ENTPD1: variants seen among roughly 807,000 people sequenced by gnomAD.
The protein encoded by ENTPD1 is ATP diphosphohydrolase.
ENTPD1 carries 33 observed loss-of-function variants against 57.0 expected under a neutral mutation model. The ratio of observed to expected loss-of-function variants is 0.58; its 90% CI spans 0.44 to 0.77. The LOEUF is 0.77. Among genes scored for constraint, ENTPD1 ranks in the 30% least tolerant of loss-of-function variants. The pLI is 0.00. For synonymous variants in ENTPD1, 202 were observed against 218.8 expected (o/e 0.92, Z 0.68); for missense variants, 501 against 603.4 (o/e 0.83, Z 1.78).
At position 95,869,281 on chromosome 10, in the gene ENTPD1, A is replaced by C. The variant is rs2098477916; in HGVS notation, c.*2898A>C. ...TTTTTTTTTTTTGAGAGAGAGTCTC[A>C]CTCCATTGCCCAGGCTGGAGTGCAG... is the stretch of plus-strand genomic sequence containing the variant. On this transcript the variant is annotated 3_prime_UTR_variant, in exon 10 of 10. Transcript: ENST00000371205. 2 of 934,000 alleles carry C rather than the reference A, an allele frequency of 2.1e-6. No individual in the cohort carries two copies. Among genetic ancestry groups the C allele is most frequent in the Admixed American group, 1.1e-4 (1 of 9,358 alleles). The allele number at this position is 934,000 out of a possible 1,614,324, so 57.9% of individuals were successfully genotyped here.
chr10:95,757,319 T>A (rs1418874521), intron 1 of ENTPD1, among the ~76,000 whole-genome samples: 1 of 152,232 alleles, frequency 6.6e-6, no homozygotes, highest in Non-Finnish European at 1.5e-5. Flanking sequence ...ACATTCCCAT[T>A]TTCCAGATGG....
At chr10:95,860,390 A>G in intron 7 of ENTPD1, 79 bp from the exon 8 acceptor site, 1 of 1,164,948 alleles carries the variant, frequency 8.6e-7, no homozygotes, top group Non-Finnish European at 1.3e-6. Flanking sequence ...GCACCTGCAC[A>G]AGGGATGCGG....
rs867631694 is a variant in ENTPD1, at chr10:95,736,003, T to G, written c.37+24010T>G. On this transcript the variant is annotated intron_variant, in intron 1 of 9. Coordinates refer to the ENTPD1 transcript ENST00000453258. The stretch of plus-strand genomic sequence containing the variant: ...GTCTATTTTAGAACATTTTCAAAGT[T>G]TTTTTTTTTTTTTTTGAGACAGAGT... Among the ~76,000 whole-genome samples the G allele has an allele frequency of 3.1e-3, 461 of 148,378 alleles. 2 individuals are homozygous for G. Among genetic ancestry groups the G allele is most frequent in the Non-Finnish European group, 4.9e-3 (325 of 66,638 alleles).
intron 1 of ENTPD1, among the ~76,000 whole-genome samples, chr10:95,806,956 C>T (rs1050912235): frequency 1.4e-4 from 21 of 152,344 alleles, no homozygotes; most frequent in East Asian, 1.4e-3. Flanking sequence ...AGTTAGGCTA[C>T]ATGGGGGTCA....
At chr10:95,749,543 C>T (rs1341097073) in intron 1 of ENTPD1, among the ~76,000 whole-genome samples, 2 of 152,136 alleles carry the variant, frequency 1.3e-5, no homozygotes, top group Admixed American at 6.5e-5. Context: ...GGGCCTTAGG[C>T]CATTTTAGTA....
chr10:95,792,690 T>A (rs1227956615), intron 1 of ENTPD1, among the ~76,000 whole-genome samples: 1 of 152,170 alleles, frequency 6.6e-6, no homozygotes, highest in Non-Finnish European at 1.5e-5. Flanking sequence ...AAGCAGAACC[T>A]TAGATAAGGG....
intron 1 of ENTPD1, among the ~76,000 whole-genome samples, chr10:95,792,077 A>G (rs1418236932): frequency 6.6e-6 from 1 of 152,110 alleles, no homozygotes; most frequent in Non-Finnish European, 1.5e-5. Flanking sequence ...TAGTTAAAAA[A>G]AAACATCAAA....
At chr10:95,805,985 C>T (rs1053886346) in intron 1 of ENTPD1, among the ~76,000 whole-genome samples, 10 of 152,146 alleles carry the variant, frequency 6.6e-5, no homozygotes, top group Non-Finnish European at 1.0e-4. Context: ...TTGCTCTTCT[C>T]GAGGAATATC....
intron 6 of ENTPD1, 55 bp from the exon 7 acceptor site, chr10:95,847,391 C>A: frequency 1.2e-6 from 2 of 1,608,152 alleles, no homozygotes; most frequent in South Asian, 1.1e-5. Flanking sequence ...TCAGACTGTA[C>A]CTTTTGTATC....
intron 1 of ENTPD1, among the ~76,000 whole-genome samples, chr10:95,745,303 C>T (rs1296382030): frequency 2.0e-5 from 3 of 152,180 alleles, no homozygotes; most frequent in African/African-American, 7.2e-5. Flanking sequence ...CTTGCCTCAG[C>T]CTCCTAAGTA....
intron 9 of ENTPD1, 78 bp downstream of exon 9, chr10:95,864,939 G>A: frequency 6.5e-7 from 1 of 1,529,164 alleles, no homozygotes; most frequent in East Asian, 2.3e-5. Flanking sequence ...GCTTGAAAAA[G>A]GGGGGAGTCA....
Position 95,870,133 on chromosome 10 carries a change from T to C in ENTPD1, c.*3750T>C, listed in dbSNP as rs1213779006. 1 of 985,300 alleles carries C rather than the reference T, an allele frequency of 1.0e-6. No homozygotes were observed. Among genetic ancestry groups the C allele is most frequent in the Non-Finnish European group, 1.2e-6 (1 of 829,926 alleles). 61.0% of individuals were successfully genotyped at this position (985,300 alleles called of 1,614,324 possible). ...GATCCTAGGTTGTATTCCTCAGGTT[T>C]TGTTGCCTTCCCATGAAGATGTGAA... On this transcript the variant is annotated 3_prime_UTR_variant, in exon 10 of 10. Coordinates refer to ENST00000371205, the MANE Select transcript of ENTPD1 (RefSeq NM_001776.6).
chr10:95,786,718 G>A (rs569491424), intron 1 of ENTPD1, among the ~76,000 whole-genome samples: 1 of 152,238 alleles, frequency 6.6e-6, no homozygotes, highest in East Asian at 1.9e-4. Flanking sequence ...TCTGCCATGG[G>A]AAAAAGATGA....
chr10:95,763,363 A>G (rs190884306), intron 1 of ENTPD1, among the ~76,000 whole-genome samples: 57 of 152,276 alleles, frequency 3.7e-4, no homozygotes, highest in African/African-American at 1.2e-3. Context: ...AAGATTGTAA[A>G]TGATTTTTAT....
chr10:95,793,233 G>C (rs2098212871), intron 1 of ENTPD1, among the ~76,000 whole-genome samples: 1 of 152,214 alleles, frequency 6.6e-6, no homozygotes, highest in Non-Finnish European at 1.5e-5. Flanking sequence ...CAGGCTGATA[G>C]TAACTGAGGG....
upstream of ENTPD1, among the ~76,000 whole-genome samples, chr10:95,708,928 G>A (rs781008579): frequency 6.6e-5 from 10 of 152,246 alleles, no homozygotes; most frequent in Non-Finnish European, 1.2e-4. Context: ...AAAGAACAGC[G>A]GTGAGAGCTC....
At chr10:95,739,659 A>G (rs1023590569) in intron 1 of ENTPD1, among the ~76,000 whole-genome samples, 2 of 152,180 alleles carry the variant, frequency 1.3e-5, no homozygotes, top group East Asian at 1.9e-4. Flanking sequence ...CAAGTCATCT[A>G]TAAGGGCTGG....
rs565744251 is a variant in ENTPD1 at position 95,765,013 on chromosome 10, C to T, written c.16+8758C>T. On this transcript the variant is annotated intron_variant, in intron 1 of 9. Transcript: ENST00000371205. ...CTGGGATTACAGGCGTGAGCCACCA[C>T]GCCTGGCCTCTTTGCCCATTTTTTA... Among the ~76,000 whole-genome samples, 12 of 152,124 alleles carry T rather than the reference C, an allele frequency of 7.9e-5. 1 individual carries two copies. The South Asian group carries it at 1.2e-3, about 16-fold the overall frequency.
chr10:95,757,166 AT>A (rs2098030325), intron 1 of ENTPD1, among the ~76,000 whole-genome samples: 1 of 152,242 alleles, frequency 6.6e-6, no homozygotes, highest in Non-Finnish European at 1.5e-5. Flanking sequence ...GAAGAATAGC[AT>A]GAGTAGCCAA....
Sources: gnomAD v4.1 joint callset for allele counts (sites outside exome capture counted in the v4.1 genomes callset) on GRCh38, gnomAD v4.1.1 for gene constraint, MANE v1.5 for transcripts, NCBI Gene and HGNC (gene_info 2026-07-23, HGNC 2026-07-21) for gene names.